The following LRRFIP1 variants were observed in gnomAD, a reference collection of about 807,000 sequenced individuals.
LRRFIP1 encodes leucine-rich repeat flightless-interacting protein 1.
Under a neutral mutation model 104.4 loss-of-function variants are expected in LRRFIP1, and 62 were observed. The ratio of observed to expected loss-of-function variants is 0.59; its 90% CI spans 0.48 to 0.73. The LOEUF (loss-of-function observed/expected upper bound fraction) is 0.73, where lower values mean the gene tolerates loss of function less well. LRRFIP1 is among the 30% of genes least tolerant of loss of function. LRRFIP1 has a pLI of 0.00. For missense variants in LRRFIP1, 796 were observed against 824.5 expected, an observed-to-expected ratio of 0.97 and a Z score of 0.42; for synonymous variants, 300 against 299.0, an observed-to-expected ratio of 1.00 and a Z score of -0.03.
At chr2:237,666,126 T>C (rs1238149724) in intron 1 of LRRFIP1, among the ~76,000 whole-genome samples, 1 of 152,134 alleles carries the variant, frequency 6.6e-6, no homozygotes, top group African/African-American at 2.4e-5. Flanking sequence ...GAAAAATGGG[T>C]CTAATACGTG....
At chr2:237,678,369 G>C (rs2091406390) in intron 1 of LRRFIP1, among the ~76,000 whole-genome samples, 1 of 152,188 alleles carries the variant, frequency 6.6e-6, no homozygotes, top group East Asian at 1.9e-4. Context: ...GTGCAGAGTA[G>C]GGCAAGGTAG....
intron 1 of LRRFIP1, among the ~76,000 whole-genome samples, chr2:237,651,587 G>A (rs546309456): frequency 5.6e-4 from 85 of 152,170 alleles, no homozygotes; most frequent in Non-Finnish European, 5.6e-4. Context: ...CTACAGTCTG[G>A]CTGCTTGCTT....
chr2:237,690,124 G>A (rs1245439304), intron 1 of LRRFIP1, among the ~76,000 whole-genome samples: 3 of 152,210 alleles, frequency 2.0e-5, no homozygotes, highest in African/African-American at 7.2e-5. Context: ...CTGGGGGTTA[G>A]GAAAATGTGT....
At position 237,708,711 on chromosome 2, in the gene LRRFIP1, C is replaced by G. The variant is rs143760666; in HGVS notation, c.183+81C>G. On this transcript the variant is annotated intron_variant, in intron 2 of 23. Coordinates refer to ENST00000308482, the MANE Select transcript of LRRFIP1 (RefSeq NM_001137550.2). ...AGGGTGCAAGTGCAGGCACCTGTTG[C>G]TGCAGACGCACCTGGCTGTCTCACG... The G allele has an allele frequency of 1.0e-3, 1,463 of 1,431,080 alleles. 18 individuals are homozygous for G. In the East Asian group the frequency reaches 0.028, roughly 28 times the overall value. 88.6% of individuals were successfully genotyped at this position (1,431,080 alleles called of 1,614,324 possible). A position where few individuals can be genotyped will look rare whatever the true frequency, so the allele number is the denominator to read the frequency against.
At chr2:237,633,124 A>G (rs1340447332) in intron 1 of LRRFIP1, among the ~76,000 whole-genome samples, 1 of 152,128 alleles carries the variant, frequency 6.6e-6, no homozygotes, top group Non-Finnish European at 1.5e-5. Flanking sequence ...CCTGAACAAC[A>G]TCCTGCCTCC....
chr2:237,648,622 T>C (rs1432036364), intron 1 of LRRFIP1, among the ~76,000 whole-genome samples: 2 of 151,468 alleles, frequency 1.3e-5, no homozygotes, highest in African/African-American at 2.4e-5. Context: ...TTCCGTGAAC[T>C]TGGGGGAGTC....
intron 1 of LRRFIP1, among the ~76,000 whole-genome samples, chr2:237,694,427 G>T (rs1295728772): frequency 6.6e-6 from 1 of 152,096 alleles, no homozygotes; most frequent in Non-Finnish European, 1.5e-5. Context: ...TGTTCAGGTA[G>T]GGAAGGAAAT....
chr2:237,670,512 A>G (rs544343766), intron 1 of LRRFIP1, among the ~76,000 whole-genome samples: 1 of 152,360 alleles, frequency 6.6e-6, no homozygotes, highest in South Asian at 2.1e-4. Flanking sequence ...TGTGTCAACT[A>G]CAGTACGTGC....
intron 19 of LRRFIP1, chr2:237,765,956 T>A: frequency 2.1e-6 from 2 of 973,060 alleles, no homozygotes; most frequent in Non-Finnish European, 2.4e-6. Flanking sequence ...AGTCTGAGTC[T>A]GACTACTGTT....
At chr2:237,778,456 C>T (rs2061276837) in intron 23 of LRRFIP1, among the ~76,000 whole-genome samples, 1 of 152,224 alleles carries the variant, frequency 6.6e-6, no homozygotes, top group Non-Finnish European at 1.5e-5. Flanking sequence ...CTGCCTGACT[C>T]TCAGGCTCCA....
In LRRFIP1 at chr2:237,717,631, T is replaced by A; in HGVS notation, c.202-131T>A. ...AAGCCAGGCCTGGTGCCGACTGCTT[T>A]GCCTTGGCGTGTTACCTTCACCACA... On this transcript the variant is annotated intron_variant, in intron 3 of 23. Coordinates refer to ENST00000308482, the MANE Select transcript of LRRFIP1 (RefSeq NM_001137550.2). This position sits in a 1 kb window ranked among gnomAD's most constrained non-coding sequence, Gnocchi z 4.2. 1 of 776,996 alleles carries A rather than the reference T, an allele frequency of 1.3e-6. No individual in the cohort carries two copies. Among genetic ancestry groups the A allele is most frequent in the Non-Finnish European group, 2.3e-6 (1 of 425,730 alleles). 48.1% of individuals were successfully genotyped at this position (776,996 alleles called of 1,614,324 possible). A position where few individuals can be genotyped will look rare whatever the true frequency, so the allele number is the denominator to read the frequency against.
At chr2:237,727,085 C>T (rs1022281431) in intron 7 of LRRFIP1, among the ~76,000 whole-genome samples, 10 of 152,184 alleles carry the variant, frequency 6.6e-5, no homozygotes, top group African/African-American at 1.7e-4. Flanking sequence ...AGGCCGGGCG[C>T]GATGGCTCAC....
chr2:237,627,999 C>G (rs1007786570), intron 1 of LRRFIP1, among the ~76,000 whole-genome samples: 39 of 151,316 alleles, frequency 2.6e-4, no homozygotes, highest in African/African-American at 8.9e-4. Context: ...CGCCCTCCCC[C>G]ACCCCGGCCA....
At chr2:237,699,452 A>G (rs963713547) in intron 1 of LRRFIP1, among the ~76,000 whole-genome samples, 9 of 150,852 alleles carry the variant, frequency 6.0e-5, no homozygotes, top group African/African-American at 9.8e-5. Context: ...TCCCGGGTTC[A>G]AGTGATTCTC....
At position 237,756,183 on chromosome 2, in the gene LRRFIP1, T is replaced by C; in HGVS notation, c.1127T>C (p.Leu376Pro). Reference protein sequence around the residue: ...KEALKQREEMLEEIRQLQQKQ... With the variant: ...KEALKQREEMPEEIRQLQQKQ... ...GCCCTGAAGCAAAGAGAGGAAATGC[T>C]CGAGGTAGGTAGCATTCTCCTGCTT... Residue 376 changes from leucine (L) to proline (P), a missense_variant, in exon 16 of 24, where the codon CTC becomes CCC. Leu to Pro is a moderately conservative substitution (Grantham distance 98, BLOSUM62 -3). Coordinates refer to ENST00000308482, the MANE Select transcript of LRRFIP1 (RefSeq NM_001137550.2). 6.2e-7 allele frequency: 1 copy of C among 1,612,194 alleles called. No individual in the cohort carries two copies. The highest frequency in any genetic ancestry group is 8.5e-7 in the Non-Finnish European group (1 of 1,178,494).
chr2:237,716,828 A>C (rs181943573), intron 3 of LRRFIP1, among the ~76,000 whole-genome samples: 1 of 152,310 alleles, frequency 6.6e-6, no homozygotes, highest in Non-Finnish European at 1.5e-5. Flanking sequence ...TCCCTGATTG[A>C]GTGGCAGCAG....
intron 11 of LRRFIP1, among the ~76,000 whole-genome samples, chr2:237,747,070 A>G (rs1397035668): frequency 6.6e-6 from 1 of 152,132 alleles, no homozygotes; most frequent in Non-Finnish European, 1.5e-5. Flanking sequence ...GCTGGGCGAG[A>G]CCATCTGATG....
chr2:237,764,151 G>A, intron 19 of LRRFIP1: 1 of 1,614,112 alleles, frequency 6.2e-7, no homozygotes. Context: ...GCTGAGGCAG[G>A]CGGCAGGCGC....
At chr2:237,725,158 T>C (rs2094693177) in intron 7 of LRRFIP1, among the ~76,000 whole-genome samples, 1 of 152,226 alleles carries the variant, frequency 6.6e-6, no homozygotes, top group Admixed American at 6.5e-5. Flanking sequence ...TTTATTTTAT[T>C]CTCTCTTATG....
Sources: gnomAD v4.1 joint callset for allele counts (sites outside exome capture counted in the v4.1 genomes callset) on GRCh38, gnomAD v4.1.1 for gene constraint, Gnocchi (gnomAD v3.1) non-coding constraint, MANE v1.5 for transcripts, NCBI Gene and HGNC (gene_info 2026-07-23, HGNC 2026-07-21) for gene names.